The following CLEC16A variants were observed in gnomAD, a reference collection of about 807,000 sequenced individuals.
CLEC16A encodes the protein protein CLEC16A.
CLEC16A carries 51 observed loss-of-function variants against 109.5 expected under a neutral mutation model. That is an observed-to-expected ratio of 0.47 (90% CI 0.37 to 0.59). The LOEUF (loss-of-function observed/expected upper bound fraction) is 0.59. CLEC16A is among the 20% of genes least tolerant of loss of function. CLEC16A has a pLI of 0.00. For missense variants in CLEC16A, 1,339 were observed against 1,394.0 expected (o/e 0.96, Z 0.63); for synonymous variants, 673 against 564.2 (o/e 1.19, Z -2.73).
intron 3 of CLEC16A, among the ~76,000 whole-genome samples, chr16:10,963,062 A>C (rs1411710516): frequency 6.6e-6 from 1 of 151,574 alleles, no homozygotes; most frequent in Non-Finnish European, 1.5e-5. Flanking sequence ...GTCTCCAACA[A>C]CAACAAAAAA....
chr16:11,075,254 G>T (rs950729635), intron 19 of CLEC16A, among the ~76,000 whole-genome samples: 4 of 152,126 alleles, frequency 2.6e-5, no homozygotes, highest in Non-Finnish European at 5.9e-5. Context: ...AGTAACTTCC[G>T]AGGCACATCA....
At chr16:11,161,245 G>A (rs1412701621) in intron 22 of CLEC16A, among the ~76,000 whole-genome samples, 6 of 152,130 alleles carry the variant, frequency 3.9e-5, no homozygotes, top group Admixed American at 1.3e-4. Flanking sequence ...TAGGTAGGCC[G>A]ACTCCTACAC....
At chr16:11,021,974 C>T (rs2046128163) in intron 12 of CLEC16A, among the ~76,000 whole-genome samples, 1 of 152,140 alleles carries the variant, frequency 6.6e-6, no homozygotes, top group Non-Finnish European at 1.5e-5. Flanking sequence ...AAAAAACAGA[C>T]CAAAATGTTA....
rs1360543107 is a variant in CLEC16A, at chr16:10,977,428, C to T, written c.903+29C>T. On this transcript the variant is annotated intron_variant, in intron 8 of 23. Coordinates refer to ENST00000409790, the MANE Select transcript of CLEC16A (RefSeq NM_015226.3). ...GGTCCAGCCCCGTGGCTCCCGCTGG[C>T]TGAAGGCCATCAGAAGTGGGGAAGA... 3 of 1,598,712 alleles carry T rather than the reference C, an allele frequency of 1.9e-6. No homozygotes were observed. The African/African-American group carries it at 4.0e-5, about 21-fold the overall frequency.
At chr16:11,025,536 C>G (rs74457498) in intron 13 of CLEC16A, among the ~76,000 whole-genome samples, 6 of 152,188 alleles carry the variant, frequency 3.9e-5, no homozygotes, top group Non-Finnish European at 8.8e-5. Context: ...CCTGGCTTGA[C>G]ATGGGCACGT....
rs184948913 is a variant in CLEC16A at position 11,163,795 on chromosome 16, A to G, written c.2642-2593A>G. On this transcript the variant is annotated intron_variant, in intron 22 of 23. Coordinates refer to ENST00000409790, the MANE Select transcript of CLEC16A (RefSeq NM_015226.3). ...CCGGGGTCATTGTCGGGAGCATACA[A>G]GGTGTAATCCCAACTCTGTTACTAC... Among the ~76,000 whole-genome samples the G allele has an allele frequency of 2.0e-3, 307 of 152,290 alleles. 1 individual carries two copies. The highest frequency in any genetic ancestry group is 7.0e-3 in the African/African-American group (289 of 41,542).
rs373775814 is a variant in CLEC16A at position 11,147,734 on chromosome 16, C to CA, written c.2642-18653dup. Among the ~76,000 whole-genome samples, 248 of 152,312 alleles carry CA rather than the reference C, an allele frequency of 1.6e-3. 1 individual carries two copies. Among genetic ancestry groups the CA allele is most frequent in the African/African-American group, 5.6e-3 (234 of 41,558 alleles). On this transcript the variant is annotated intron_variant, in intron 22 of 23. Coordinates refer to ENST00000409790, the MANE Select transcript of CLEC16A (RefSeq NM_015226.3). The stretch of plus-strand genomic sequence containing the variant: ...TTAAAAAATACAGCTCTCAACTTGT[C>CA]AGACTGTCACAAAGCTGTCATCCGA...
intron 22 of CLEC16A, among the ~76,000 whole-genome samples, chr16:11,154,362 C>T (rs1210720401): frequency 6.6e-6 from 1 of 152,144 alleles, no homozygotes; most frequent in Non-Finnish European, 1.5e-5. Flanking sequence ...AGTCATGTGT[C>T]TTGAATGCAG....
chr16:10,979,635 T>C (rs2043210800), intron 9 of CLEC16A, among the ~76,000 whole-genome samples: 1 of 152,216 alleles, frequency 6.6e-6, no homozygotes, highest in South Asian at 2.1e-4. Flanking sequence ...GTATAGTTGA[T>C]TTTTACCATG....
chr16:10,989,204 C>G (rs548637577), intron 10 of CLEC16A, among the ~76,000 whole-genome samples: 9 of 138,614 alleles, frequency 6.5e-5, no homozygotes, highest in East Asian at 6.4e-4. Flanking sequence ...AGTGCAAATA[C>G]TGTTGTCGTT....
At chr16:11,020,107 ATATT>A in intron 11 of CLEC16A, 82 bp from the exon 12 acceptor site, 3 of 1,455,392 alleles carry the variant, frequency 2.1e-6, no homozygotes, top group Non-Finnish European at 2.8e-6. Flanking sequence ...TCATTTATGC[ATATT>A]TATTCTCCAA....
chr16:11,076,756 A>G (rs1210918446), intron 19 of CLEC16A, among the ~76,000 whole-genome samples: 1 of 152,234 alleles, frequency 6.6e-6, no homozygotes, highest in Non-Finnish European at 1.5e-5. Flanking sequence ...CACCTCTCCC[A>G]GCCCAGGAAG....
At chr16:10,963,960 T>G (rs1360384433) in intron 3 of CLEC16A, among the ~76,000 whole-genome samples, 1 of 152,192 alleles carries the variant, frequency 6.6e-6, no homozygotes, top group East Asian at 1.9e-4. Flanking sequence ...TGGTTCCTAA[T>G]CCTCCACGCT....
intron 10 of CLEC16A, among the ~76,000 whole-genome samples, chr16:10,986,362 C>T (rs973024845): frequency 6.6e-6 from 1 of 152,150 alleles, no homozygotes. Flanking sequence ...AACATGAGAT[C>T]TACCCTTTTA....
intron 1 of CLEC16A, among the ~76,000 whole-genome samples, chr16:10,953,976 CA>C (rs55810681): frequency 0.32 from 46,725 of 145,550 alleles, 9,166 homozygotes; most frequent in East Asian, 0.58. Context: ...GACTCCGTCT[CA>C]AAAAAAAAAA....
intron 10 of CLEC16A, among the ~76,000 whole-genome samples, chr16:10,986,012 ATTTTTTTTTTTTTTTTTTTTTTT>A (rs59547466): frequency 2.3e-5 from 1 of 43,436 alleles, no homozygotes; most frequent in African/African-American, 1.1e-4. Flanking sequence ...GGCCTGCAGA[ATTTTTTTTTTTTTTTTTTTTTTT>A]TTTTTTTTTT....
intron 22 of CLEC16A, among the ~76,000 whole-genome samples, chr16:11,133,781 C>CAA (rs5815616): frequency 6.6e-6 from 1 of 151,882 alleles, no homozygotes; most frequent in Admixed American, 6.6e-5. Flanking sequence ...CTCCCCAAGG[C>CAA]AAAAAATACC....
At chr16:11,173,572 G>A (rs967006991) in intron 23 of CLEC16A, among the ~76,000 whole-genome samples, 1 of 152,050 alleles carries the variant, frequency 6.6e-6, no homozygotes, top group Admixed American at 6.6e-5. Context: ...CTCGTGGAGC[G>A]CCTCGAGCAT....
chr16:11,057,205 T>C (rs76526043), intron 18 of CLEC16A, among the ~76,000 whole-genome samples: 1 of 152,242 alleles, frequency 6.6e-6, no homozygotes, highest in African/African-American at 2.4e-5. Flanking sequence ...CGGCCCTCTT[T>C]TAAGAATGAC....
Sources: allele counts gnomAD v4.1 joint callset (sites outside exome capture counted in the v4.1 genomes callset), GRCh38; gene constraint gnomAD v4.1.1; transcripts MANE v1.5; gene names NCBI Gene and HGNC (gene_info 2026-07-23, HGNC 2026-07-21).